The following LRRTM3 variants were observed in gnomAD, a reference collection of about 807,000 sequenced individuals.
LRRTM3 encodes leucine-rich repeat transmembrane neuronal protein 3.
Under a neutral mutation model 44.7 loss-of-function variants are expected in LRRTM3, and 24 were observed. That is an observed-to-expected ratio of 0.54 (90% CI 0.39 to 0.76). LRRTM3 has a LOEUF of 0.76. LRRTM3 is among the 30% of genes least tolerant of loss of function. The probability of loss-of-function intolerance (pLI) is 0.00; values close to 1 mark genes in which losing one functional copy is unlikely to be tolerated. For synonymous variants in LRRTM3, 277 were observed against 278.7 expected (o/e 0.99, Z 0.06); for missense variants, 587 against 702.2 (o/e 0.84, Z 1.85).
chr10:67,016,900 A>G (rs1852693647), intron 2 of LRRTM3, among the ~76,000 whole-genome samples: 1 of 152,166 alleles, frequency 6.6e-6, no homozygotes, highest in African/African-American at 2.4e-5. Flanking sequence ...AATATTTTAT[A>G]TCCTATCAAA....
chr10:67,059,305 C>CA (rs1302256447), intron 2 of LRRTM3, among the ~76,000 whole-genome samples: 6 of 151,802 alleles, frequency 4.0e-5, no homozygotes, highest in African/African-American at 1.5e-4. Context: ...TTAGTGATGT[C>CA]AAAAATGGTA....
At chr10:67,013,529 TA>T (rs1852469024) in intron 2 of LRRTM3, among the ~76,000 whole-genome samples, 1 of 152,210 alleles carries the variant, frequency 6.6e-6, no homozygotes, top group Admixed American at 6.5e-5. Context: ...TAAAACACTT[TA>T]TACTGAACTA....
intron 2 of LRRTM3, among the ~76,000 whole-genome samples, chr10:66,996,649 CAAA>C (rs57025097): frequency 2.7e-4 from 18 of 67,636 alleles, no homozygotes; most frequent in South Asian, 1.3e-3. Context: ...TCCGTCTCTA[CAAA>C]AAAAAAAAAA....
intron 2 of LRRTM3, among the ~76,000 whole-genome samples, chr10:67,056,150 G>C (rs1327571150): frequency 6.6e-6 from 1 of 152,120 alleles, no homozygotes; most frequent in African/African-American, 2.4e-5. Context: ...AATACATACT[G>C]TCGCCCATTC....
chr10:67,060,335 A>G (rs1855690677), intron 2 of LRRTM3, among the ~76,000 whole-genome samples: 1 of 152,196 alleles, frequency 6.6e-6, no homozygotes, highest in Non-Finnish European at 1.5e-5. Flanking sequence ...TTTTAAAAAA[A>G]TTCTGTAAAT....
intron 2 of LRRTM3, among the ~76,000 whole-genome samples, chr10:67,083,770 C>T (rs1857167002): frequency 6.6e-6 from 1 of 152,118 alleles, no homozygotes; most frequent in Admixed American, 6.6e-5. Flanking sequence ...ATTCAAAATA[C>T]ATTAGTTCTC....
At chr10:67,026,004 A>C (rs1225465129) in intron 2 of LRRTM3, among the ~76,000 whole-genome samples, 3 of 151,222 alleles carry the variant, frequency 2.0e-5, no homozygotes, top group Non-Finnish European at 2.9e-5. Context: ...AAACTATCGC[A>C]AGGACAAAAA....
chr10:66,946,981 A>C (rs1848306866), intron 2 of LRRTM3, among the ~76,000 whole-genome samples: 1 of 152,144 alleles, frequency 6.6e-6, no homozygotes. Context: ...ATTCATGTAC[A>C]CAACCAGCTC....
At chr10:66,968,722 A>C (rs1387635289) in intron 2 of LRRTM3, among the ~76,000 whole-genome samples, 1 of 152,116 alleles carries the variant, frequency 6.6e-6, no homozygotes, top group Non-Finnish European at 1.5e-5. Context: ...GTTAAATTTA[A>C]ATACATATTT....
chr10:66,966,810 T>C (rs943168104), intron 2 of LRRTM3, among the ~76,000 whole-genome samples: 4 of 152,082 alleles, frequency 2.6e-5, no homozygotes, highest in African/African-American at 9.7e-5. Flanking sequence ...TGAATCAGTG[T>C]GCTCTCACAT....
intron 2 of LRRTM3, chr10:67,052,720 T>G (rs1169806367): frequency 6.6e-6 from 1 of 152,088 alleles, no homozygotes; most frequent in Non-Finnish European, 1.5e-5. Context: ...TACATAATGG[T>G]ACATCCTGCC....
chr10:67,002,783 G>A (rs1037061156), intron 2 of LRRTM3, among the ~76,000 whole-genome samples: 2 of 151,666 alleles, frequency 1.3e-5, no homozygotes, highest in South Asian at 4.2e-4. Context: ...TAATTGCTGG[G>A]TTAAATAAAC....
At chr10:66,981,479 G>T (rs898642463) in intron 2 of LRRTM3, among the ~76,000 whole-genome samples, 62 of 151,754 alleles carry the variant, frequency 4.1e-4, no homozygotes, top group African/African-American at 1.5e-3. Context: ...TATTTTTTTT[G>T]GCACTTCAAC....
intron 2 of LRRTM3, among the ~76,000 whole-genome samples, chr10:67,069,557 G>GCCCCACCCCA (rs549930721): frequency 7.9e-4 from 76 of 96,360 alleles, no homozygotes; most frequent in Admixed American, 1.9e-3. Context: ...ACAGCAGCCC[G>GCCCCACCCCA]CCCCACCCCA....
chr10:66,977,541 G>A (rs1461567147), intron 2 of LRRTM3, among the ~76,000 whole-genome samples: 1 of 152,150 alleles, frequency 6.6e-6, no homozygotes, highest in Non-Finnish European at 1.5e-5. Context: ...GCTCACAGAA[G>A]GAACAATTTT....
At chr10:66,998,158 A>G (rs10997476) in intron 2 of LRRTM3, among the ~76,000 whole-genome samples, 65,717 of 152,124 alleles carry the variant, frequency 0.43, 16,858 homozygotes, top group Non-Finnish European at 0.57. Context: ...CTAACACGGC[A>G]TTTTAGCACA....
intron 2 of LRRTM3, among the ~76,000 whole-genome samples, chr10:67,091,043 T>C (rs533435614): frequency 6.6e-6 from 1 of 152,144 alleles, no homozygotes; most frequent in East Asian, 1.9e-4. Flanking sequence ...TTAATATTAC[T>C]CAAATAATAC....
chr10:66,983,246 A>G (rs1368103989), intron 2 of LRRTM3, among the ~76,000 whole-genome samples: 1 of 152,102 alleles, frequency 6.6e-6, no homozygotes, highest in African/African-American at 2.4e-5. Flanking sequence ...ATTTCATTCC[A>G]TCCTAGCCCC....
chr10:66,938,543 G>A (rs930503150), intron 2 of LRRTM3, among the ~76,000 whole-genome samples: 4 of 152,160 alleles, frequency 2.6e-5, no homozygotes, highest in African/African-American at 9.7e-5. Context: ...GCATCTTCAT[G>A]TTGAGTAGGC....
Sources: allele counts gnomAD v4.1 joint callset (sites outside exome capture counted in the v4.1 genomes callset), GRCh38; gene constraint gnomAD v4.1.1; transcripts MANE v1.5; gene names NCBI Gene and HGNC (gene_info 2026-07-23, HGNC 2026-07-21).